The following ANK1 variants were observed in gnomAD, a reference collection of about 807,000 sequenced individuals.
ANK1 encodes ankyrin 1.
ANK1 carries 51 observed loss-of-function variants against 210.4 expected under a neutral mutation model. That is an observed-to-expected ratio of 0.24 (90% CI 0.19 to 0.31). ANK1 has a LOEUF of 0.31. Among genes scored for constraint, ANK1 ranks in the 10% least tolerant of loss-of-function variants. The pLI is 1.00. For synonymous variants in ANK1, 967 were observed against 1,025.9 expected, an observed-to-expected ratio of 0.94 and a Z score of 1.10; for missense variants, 2,051 against 2,504.4, an observed-to-expected ratio of 0.82 and a Z score of 3.86.
In ANK1 at chr8:41,704,758, AGT is replaced by A. The variant is rs1311788023; in HGVS notation, c.2098-288_2098-287del. Among the ~76,000 whole-genome samples, 1 of 152,108 alleles carries A rather than the reference AGT, an allele frequency of 6.6e-6. No individual in the cohort carries two copies. The highest frequency in any genetic ancestry group is 1.9e-4 in the East Asian group (1 of 5,188). The stretch of plus-strand genomic sequence containing the variant: ...GGGAGATCTGAGAGCTTTGGAGGTG[AGT>A]GAGGTCCCCCAGAATAAAGTGGAGG... On this transcript the variant is annotated intron_variant, in intron 18 of 42. Coordinates refer to ENST00000289734, the MANE Select transcript of ANK1 (RefSeq NM_000037.4). This position sits in a 1 kb window ranked among gnomAD's most constrained non-coding sequence, Gnocchi z 4.1.
intron 37 of ANK1, among the ~76,000 whole-genome samples, chr8:41,676,170 G>C (rs1190150402): frequency 1.3e-5 from 2 of 152,204 alleles, no homozygotes; most frequent in Non-Finnish European, 2.9e-5. Context: ...TGTCAGAAAT[G>C]ATCAAGTGGT....
intron 1 of ANK1, among the ~76,000 whole-genome samples, chr8:41,887,479 G>A (rs1818669028): frequency 1.3e-5 from 2 of 151,966 alleles, no homozygotes; most frequent in Non-Finnish European, 2.9e-5. Context: ...GGCTGGTCTT[G>A]AGCTCCTAGC....
intron 2 of ANK1, among the ~76,000 whole-genome samples, chr8:41,740,418 C>T (rs1280399278): frequency 1.3e-5 from 2 of 151,880 alleles, no homozygotes; most frequent in Non-Finnish European, 2.9e-5. Flanking sequence ...TCTCGGCCTC[C>T]CAAAGTGCTG....
At chr8:41,835,680 T>C (rs1233917529) in intron 1 of ANK1, among the ~76,000 whole-genome samples, 1 of 152,222 alleles carries the variant, frequency 6.6e-6, no homozygotes, top group Non-Finnish European at 1.5e-5. Context: ...GAATGGTTTT[T>C]ACATTTTTAA....
chr8:41,832,470 T>A (rs984613415), intron 1 of ANK1, among the ~76,000 whole-genome samples: 14 of 152,276 alleles, frequency 9.2e-5, no homozygotes, highest in African/African-American at 3.4e-4. Context: ...CCCTCCTCCA[T>A]GCCCTGCCCA....
chr8:41,840,569 C>T (rs112212073), intron 1 of ANK1, among the ~76,000 whole-genome samples: 2,732 of 152,258 alleles, frequency 0.018, 70 homozygotes, highest in African/African-American at 0.055. Flanking sequence ...TGAGGGCTGT[C>T]GCCCTGGCTT....
At chr8:41,889,609 A>G (rs1383057115) in intron 1 of ANK1, among the ~76,000 whole-genome samples, 2 of 152,150 alleles carry the variant, frequency 1.3e-5, no homozygotes, top group Admixed American at 1.3e-4. Flanking sequence ...CTCCAATGCA[A>G]GTTTTCCTTT....
At chr8:41,752,048 C>T (rs1277137008) in intron 2 of ANK1, among the ~76,000 whole-genome samples, 4 of 152,156 alleles carry the variant, frequency 2.6e-5, no homozygotes, top group Non-Finnish European at 5.9e-5. Context: ...CCCAAGAATA[C>T]TGTTCCCCAG....
intron 1 of ANK1, among the ~76,000 whole-genome samples, chr8:41,766,290 C>T (rs1016959962): frequency 3.9e-5 from 6 of 152,154 alleles, no homozygotes; most frequent in African/African-American, 7.2e-5. Flanking sequence ...CAGCTGTCCC[C>T]AGCCAGCATA....
At chr8:41,737,776 A>G (rs2150679316) in intron 2 of ANK1, among the ~76,000 whole-genome samples, 1 of 152,348 alleles carries the variant, frequency 6.6e-6, no homozygotes, top group African/African-American at 2.4e-5. Flanking sequence ...AATGAGAGAG[A>G]TGCAAGATGG....
chr8:41,695,454 C>T (rs1225919933), intron 26 of ANK1, 123 bp from the exon 27 acceptor site: 51 of 1,365,958 alleles, frequency 3.7e-5, no homozygotes, highest in Non-Finnish European at 5.0e-5. Context: ...CGTGGAGGCC[C>T]CACCTGCAGG....
intron 2 of ANK1, among the ~76,000 whole-genome samples, chr8:41,750,872 T>C (rs755842284): frequency 1.3e-5 from 2 of 152,218 alleles, no homozygotes; most frequent in Non-Finnish European, 2.9e-5. Flanking sequence ...TGGAAAATTA[T>C]CTCCTGGAGT....
intron 1 of ANK1, among the ~76,000 whole-genome samples, chr8:41,871,781 C>A (rs1815556576): frequency 6.6e-6 from 1 of 152,236 alleles, no homozygotes; most frequent in African/African-American, 2.4e-5. Flanking sequence ...AGACGCCATG[C>A]ATCTCAGCTC....
rs375477157 is a variant in ANK1, at chr8:41,668,373, G to C, written c.5288C>G (p.Thr1763Arg). 1.2e-6 allele frequency: 2 copies of C among 1,614,090 alleles called. No homozygotes were observed. Among genetic ancestry groups the C allele is most frequent in the Non-Finnish European group, 1.7e-6 (2 of 1,180,048 alleles). The change falls in exon 39 of 43, where the codon ACA becomes AGA. Residue 1763 changes from threonine to arginine, a missense_variant. Coordinates refer to ENST00000289734, the MANE Select transcript of ANK1 (RefSeq NM_000037.4). ...GGAGCTCTCAGCCTCGGGCTGTTCT[G>C]TCCACGTGTGCTCACTTACAGACAC... Reference protein sequence around the residue: ...VLVSVSEHTWTEQPEAESSQA... With the variant: ...VLVSVSEHTWREQPEAESSQA...
At chr8:41,659,167 G>C (rs914477697) in intron 42 of ANK1, among the ~76,000 whole-genome samples, 3 of 152,204 alleles carry the variant, frequency 2.0e-5, no homozygotes, top group African/African-American at 7.2e-5. Context: ...GAGCTTATCT[G>C]ATGTCCATTC....
At chr8:41,752,807 C>CCG (rs1554596984) in intron 2 of ANK1, among the ~76,000 whole-genome samples, 1 of 151,560 alleles carries the variant, frequency 6.6e-6, no homozygotes, top group Admixed American at 6.6e-5. Flanking sequence ...GGCCCCCCCC[C>CCG]ACTGCACCGC....
At chr8:41,726,002 A>C in intron 5 of ANK1, 56 bp from the exon 6 acceptor site, 1 of 1,576,942 alleles carries the variant, frequency 6.3e-7, no homozygotes, top group Non-Finnish European at 8.6e-7. Context: ...GCCGCCCTTC[A>C]CACGGGACAC....
intron 1 of ANK1, among the ~76,000 whole-genome samples, chr8:41,860,332 C>T (rs1813047596): frequency 6.6e-6 from 1 of 152,216 alleles, no homozygotes; most frequent in African/African-American, 2.4e-5. Context: ...GATTCCACTG[C>T]TGGGATTCAC....
chr8:41,867,135 G>A (rs1259343755), intron 1 of ANK1, among the ~76,000 whole-genome samples: 2 of 152,232 alleles, frequency 1.3e-5, no homozygotes, highest in Non-Finnish European at 2.9e-5. Flanking sequence ...CAGCGAAGGT[G>A]CAAGTTGCTA....
Sources: allele counts gnomAD v4.1 joint callset (sites outside exome capture counted in the v4.1 genomes callset), GRCh38; gene constraint gnomAD v4.1.1; non-coding constraint Gnocchi (gnomAD v3.1); transcripts MANE v1.5; gene names NCBI Gene and HGNC (gene_info 2026-07-23, HGNC 2026-07-21).